SORBS2: variants seen among roughly 807,000 people sequenced by gnomAD.
SORBS2 encodes sorbin and SH3 domain containing 2.
A neutral mutation model predicts 97.7 loss-of-function variants in SORBS2; 46 were observed. The observed-to-expected ratio is 0.47, with a 90% confidence interval of 0.37 to 0.60. The LOEUF is 0.60. Ranked by LOEUF, SORBS2 falls within the 20% of genes least tolerant of loss-of-function variation. The probability of loss-of-function intolerance (pLI) is 0.00; values close to 1 mark genes in which losing one functional copy is unlikely to be tolerated. For synonymous variants in SORBS2, 476 were observed against 473.4 expected (o/e 1.01, Z -0.07); for missense variants, 1,316 against 1,282.3 (o/e 1.03, Z -0.40).
chr4:185,678,740 A>G (rs957232894), intron 3 of SORBS2, 56 bp downstream of exon 6: 1 of 1,261,722 alleles, frequency 7.9e-7, no homozygotes, highest in South Asian at 1.5e-5. Flanking sequence ...GGCTATGAAT[A>G]TGTTTTCTAA....
At chr4:185,844,751 T>A (rs2099213564) in intron 1 of SORBS2, among the ~76,000 whole-genome samples, 1 of 152,206 alleles carries the variant, frequency 6.6e-6, no homozygotes, top group South Asian at 2.1e-4. Context: ...GGCATATTCA[T>A]ACATTGAAAT....
intron 1 of SORBS2, among the ~76,000 whole-genome samples, chr4:185,867,010 A>ATTAT (rs1277080482): frequency 1.3e-5 from 2 of 151,884 alleles, no homozygotes; most frequent in African/African-American, 2.4e-5. Flanking sequence ...ATTTTATTTT[A>ATTAT]TTATTTATTT....
chr4:185,799,539 G>A (rs1421629532), intron 1 of SORBS2, among the ~76,000 whole-genome samples: 1 of 152,204 alleles, frequency 6.6e-6, no homozygotes, highest in Non-Finnish European at 1.5e-5. Context: ...GAATTGTAGT[G>A]GTGCCTAGAT....
chr4:185,649,636 T>A, exon 3 of SORBS2: 1 of 1,530,598 alleles, frequency 6.5e-7, no homozygotes, highest in Non-Finnish European at 8.8e-7. Flanking sequence ...GACTGAGCAC[T>A]GTAGGGTGGG....
chr4:185,699,414 G>A (rs2098226940), intron 2 of SORBS2, among the ~76,000 whole-genome samples: 1 of 151,354 alleles, frequency 6.6e-6, no homozygotes, highest in South Asian at 2.1e-4. Context: ...ATCCTGCAGA[G>A]TAGCTGGGGT....
chr4:185,756,595 C>T (rs1446291357), intron 2 of SORBS2, among the ~76,000 whole-genome samples: 1 of 152,050 alleles, frequency 6.6e-6, no homozygotes, highest in Non-Finnish European at 1.5e-5. Flanking sequence ...TGTACATATG[C>T]TTACAGGTAA....
intron 1 of SORBS2, among the ~76,000 whole-genome samples, chr4:185,863,468 A>C (rs2099225035): frequency 6.6e-6 from 1 of 152,200 alleles, no homozygotes; most frequent in African/African-American, 2.4e-5. Context: ...TCATAAACAA[A>C]AGACCACATG....
intron 1 of SORBS2, among the ~76,000 whole-genome samples, chr4:185,895,686 G>A (rs1229621376): frequency 6.6e-6 from 1 of 152,236 alleles, no homozygotes; most frequent in Non-Finnish European, 1.5e-5. Flanking sequence ...TGAGAATGAA[G>A]GACTAGGGTT....
At chr4:185,630,511 G>A (rs1206586543) in intron 5 of SORBS2, 38 bp downstream of exon 17, 1 of 1,320,656 alleles carries the variant, frequency 7.6e-7, no homozygotes, top group Non-Finnish European at 1.1e-6. Flanking sequence ...GAAACCACTG[G>A]TATAGAATAT....
Position 185,617,774 on chromosome 4 carries a change from C to T in SORBS2, c.2351+811G>A, listed in dbSNP as rs146116435. Among the ~76,000 whole-genome samples the T allele has an allele frequency of 3.5e-3, 539 of 152,152 alleles. 21 individuals are homozygous for T. The highest frequency in any genetic ancestry group is 0.031 in the Admixed American group (478 of 15,280). On this transcript the variant is annotated intron_variant, in intron 9 of 14. Coordinates refer to ENST00000418609, the Ensembl canonical transcript of SORBS2. Reference sequence around the variant, plus strand: ...TTGCAATTCAGGATGGTGAAAACACCGACACCAAAAGACCAAAGGAGAAAA... The same window carrying T: ...TTGCAATTCAGGATGGTGAAAACACTGACACCAAAAGACCAAAGGAGAAAA...
At chr4:185,943,337 C>A (rs2099273008) in intron 1 of SORBS2, among the ~76,000 whole-genome samples, 1 of 152,220 alleles carries the variant, frequency 6.6e-6, no homozygotes, top group South Asian at 2.1e-4. Context: ...ATCTGGCAGT[C>A]ACCACCTTAA....
intron 6 of SORBS2, among the ~76,000 whole-genome samples, chr4:185,625,722 G>A (rs747382975): frequency 1.3e-4 from 20 of 152,156 alleles, no homozygotes; most frequent in Non-Finnish European, 4.4e-5. Context: ...GTGATGGATG[G>A]GGCTCACACG....
chr4:185,738,721 G>A (rs2098703992), intron 2 of SORBS2, among the ~76,000 whole-genome samples: 2 of 152,188 alleles, frequency 1.3e-5, no homozygotes, highest in Non-Finnish European at 2.9e-5. Flanking sequence ...GTCTAAGGGA[G>A]GAGTCTTAAT....
At position 185,623,145 on chromosome 4, in the gene SORBS2, G is replaced by A; in HGVS notation, c.1984C>T (p.His662Tyr). The A allele has an allele frequency of 6.2e-7, 1 of 1,614,178 alleles. No individual in the cohort carries two copies. The highest frequency in any genetic ancestry group is 1.1e-5 in the South Asian group (1 of 91,082). Residue 662 changes from histidine (H) to tyrosine (Y), a missense_variant, in exon 7 of 15, where the codon CAC becomes TAC. By Grantham distance (83) the His-to-Tyr change is moderately conservative (BLOSUM62 2). Transcript: ENST00000418609. The surrounding 1 kb of genome is among the most constrained non-coding windows in gnomAD (Gnocchi z 6.4). ...GGCAGCAGCTCACTGATGAGGCGGT[G>A]CAGGATGCTGTTGTCCGGCAAGCTC...
chr4:185,761,016 T>C (rs1584335986), intron 2 of SORBS2, among the ~76,000 whole-genome samples: 1 of 152,246 alleles, frequency 6.6e-6, no homozygotes. Flanking sequence ...GACACACATA[T>C]ACTTGTGTTA....
intron 1 of SORBS2, among the ~76,000 whole-genome samples, chr4:185,889,778 C>G (rs925122069): frequency 1.4e-4 from 22 of 152,176 alleles, no homozygotes; most frequent in African/African-American, 5.1e-4. Context: ...TAATGAGGCT[C>G]TCATCACTCA....
intron 1 of SORBS2, among the ~76,000 whole-genome samples, chr4:185,888,336 G>C (rs1292639844): frequency 6.6e-6 from 1 of 152,100 alleles, no homozygotes; most frequent in East Asian, 1.9e-4. Context: ...TGGGGGGTTG[G>C]AGAGAGACAC....
intron 1 of SORBS2, among the ~76,000 whole-genome samples, chr4:185,793,558 T>A (rs1486980193): frequency 6.6e-6 from 1 of 152,160 alleles, no homozygotes; most frequent in African/African-American, 2.4e-5. Flanking sequence ...ATTAAGAAGA[T>A]TTTTATTTAT....
At chr4:185,622,775 A>G (rs1284288902) in intron 7 of SORBS2, 139 bp downstream of exon 19, 9 of 744,270 alleles carry the variant, frequency 1.2e-5, no homozygotes, top group South Asian at 2.1e-5. Context: ...ATATTTGCAC[A>G]ACAAGTTTTT....
Sources: allele counts gnomAD v4.1 joint callset (sites outside exome capture counted in the v4.1 genomes callset), GRCh38; gene constraint gnomAD v4.1.1; non-coding constraint Gnocchi (gnomAD v3.1); transcripts MANE v1.5; gene names NCBI Gene and HGNC (gene_info 2026-07-23, HGNC 2026-07-21).